Variants in PPP1CA observed in about 807,000 individuals in gnomAD.
PPP1CA encodes the protein protein phosphatase 1 catalytic subunit alpha, also known as serine/threonine-protein phosphatase PP1-alpha catalytic subunit.
PPP1CA carries 14 observed loss-of-function variants against 38.5 expected under a neutral mutation model. The observed-to-expected ratio is 0.36, with a 90% confidence interval of 0.24 to 0.57. The LOEUF (loss-of-function observed/expected upper bound fraction) is 0.57, where lower values mean the gene tolerates loss of function less well. Among genes scored for constraint, PPP1CA ranks in the 20% least tolerant of loss-of-function variants. The pLI, the probability that PPP1CA is intolerant of heterozygous loss-of-function variation, is 0.80. For missense variants in PPP1CA, 277 were observed against 435.2 expected, an observed-to-expected ratio of 0.64 and a Z score of 3.23; for synonymous variants, 200 against 177.3, an observed-to-expected ratio of 1.13 and a Z score of -1.02.
intron 3 of PPP1CA, 87 bp downstream of exon 3, chr11:67,400,602 C>T: frequency 7.6e-7 from 1 of 1,312,350 alleles, no homozygotes; most frequent in Admixed American, 1.7e-5. Flanking sequence ...AAGTGTCTGT[C>T]AGATATCAGG....
At position 67,401,807 on chromosome 11, in the gene PPP1CA, C is replaced by A; in HGVS notation, c.-25G>T. On this transcript the variant is annotated 5_prime_UTR_variant, in exon 1 of 7. Coordinates refer to ENST00000376745, the MANE Select transcript of PPP1CA (RefSeq NM_002708.4). ...TGGCGGCGCCGCCGCTCCAGCCCAG[C>A]AGCTCCTGGCCCGCTCCTGCCTCCC... 5 of 1,455,100 alleles carry A rather than the reference C, an allele frequency of 3.4e-6. No homozygotes were observed. Among genetic ancestry groups the A allele is most frequent in the Non-Finnish European group, 3.7e-6 (4 of 1,093,800 alleles). The allele number at this position is 1,455,100 out of a possible 1,614,324, so 90.1% of individuals were successfully genotyped here. A position where few individuals can be genotyped will look rare whatever the true frequency, so the allele number is the denominator to read the frequency against.
chr11:67,401,771 G>C lies in PPP1CA; in HGVS notation c.12C>G (p.Ser4Arg). 2.0e-6 allele frequency: 3 copies of C among 1,472,660 alleles called. No homozygotes were observed. The highest frequency in any genetic ancestry group is 1.8e-6 in the Non-Finnish European group (2 of 1,102,204). 91.2% of individuals were successfully genotyped at this position (1,472,660 alleles called of 1,614,324 possible). Residue 4 changes from serine (S) to arginine (R), a missense_variant, in exon 1 of 7, where the codon AGC becomes AGG. Ser to Arg is a moderately radical substitution (Grantham distance 110). Coordinates refer to ENST00000376745, the MANE Select transcript of PPP1CA (RefSeq NM_002708.4). ...TGATCGAGTCCAGGTTGAGCTTCTCGCTGTCGGACATGGCGGCGCCGCCGC... is the reference window on the plus strand; with the variant it reads ...TGATCGAGTCCAGGTTGAGCTTCTCCCTGTCGGACATGGCGGCGCCGCCGC... MSD[S>R]EKLNLDSIIG...
At chr11:67,401,393 C>A in intron 1 of PPP1CA, 194 bp from the exon 2 acceptor site, 1 of 926,336 alleles carries the variant, frequency 1.1e-6, no homozygotes, top group Non-Finnish European at 1.6e-6. Context: ...ACCCTCAGCG[C>A]CTCGGGAGGC....
chr11:67,399,196 C>T (rs754121296), intron 4 of PPP1CA, 33 bp from the exon 5 acceptor site: 3 of 1,583,740 alleles, frequency 1.9e-6, no homozygotes, highest in African/African-American at 2.7e-5. Context: ...CTTCCTCAAA[C>T]AAGGACATCC....
Position 67,399,078 on chromosome 11 carries a change from G to A in PPP1CA, c.609C>T (p.Asp203=). 2.5e-6 allele frequency: 4 copies of A among 1,613,630 alleles called. No individual in the cohort carries two copies. The highest frequency in any genetic ancestry group is 2.5e-6 in the Non-Finnish European group (3 of 1,180,024). ...TDVPDQGLLC[D]LLWSDPDKDV... ...CCTTGTCAGGGTCAGACCACAGCAGGTCACACAGCAGGCCCTGGTCAGGCA... is the reference window on the plus strand; with the variant it reads ...CCTTGTCAGGGTCAGACCACAGCAGATCACACAGCAGGCCCTGGTCAGGCA... Residue 203 remains aspartate, a synonymous_variant, in exon 5 of 7, where the codon GAC becomes GAT. Coordinates refer to ENST00000376745, the MANE Select transcript of PPP1CA (RefSeq NM_002708.4).
At chr11:67,399,274 T>G in intron 4 of PPP1CA, 111 bp from the exon 5 acceptor site, 1 of 1,032,800 alleles carries the variant, frequency 9.7e-7, no homozygotes, top group Non-Finnish European at 1.4e-6. Context: ...GCCACTGGTC[T>G]CCTGGGCGCC....
rs756491669 is a variant in PPP1CA, at chr11:67,398,928, C to T, written c.747+12G>A. ...CCCCTTCCCCTGCCGCAGGCCGGAG[C>T]CACCAGCCCACCTGGTGTGCTCGGC... is the stretch of plus-strand genomic sequence containing the variant. On this transcript the variant is annotated intron_variant, in intron 5 of 6. Transcript: ENST00000376745. The T allele has an allele frequency of 4.3e-6, 7 of 1,612,940 alleles. No individual in the cohort carries two copies. The East Asian group carries it at 1.3e-4, about 31-fold the overall frequency.
chr11:67,398,708 T>G lies in PPP1CA; in HGVS notation c.882+14A>C, dbSNP rs371041445. ...GCCACAGGGCCTAGCGGCTCCTTTC[T>G]TCCCCACACTCACCTGGAAAGAGCA... On this transcript the variant is annotated intron_variant, in intron 6 of 6. Coordinates refer to ENST00000376745, the MANE Select transcript of PPP1CA (RefSeq NM_002708.4). The G allele has an allele frequency of 6.2e-7, 1 of 1,613,220 alleles. No homozygotes were observed. The highest frequency in any genetic ancestry group is 1.7e-5 in the Admixed American group (1 of 59,962).
chr11:67,400,998 G>A, intron 2 of PPP1CA, 70 bp downstream of exon 2: 4 of 1,608,538 alleles, frequency 2.5e-6, no homozygotes, highest in Admixed American at 1.7e-5. Context: ...CAAGGGAGGA[G>A]GGCTCCAGGA....
At position 67,398,238 on chromosome 11, in the gene PPP1CA, G is replaced by A. The variant is rs190261260; in HGVS notation, c.*297C>T. 3 of 440,038 alleles carry A rather than the reference G, an allele frequency of 6.8e-6. No homozygotes were observed. The highest frequency in any genetic ancestry group is 4.1e-5 in the Admixed American group (1 of 24,540). 27.3% of individuals were successfully genotyped at this position (440,038 alleles called of 1,614,324 possible). A position where few individuals can be genotyped will look rare whatever the true frequency, so the allele number is the denominator to read the frequency against. ...ACCAGATGGGTTGCCCCAGGATCCG[G>A]CTGCCAGCCCTGAGGCCAAGCACGG... On this transcript the variant is annotated 3_prime_UTR_variant, in exon 7 of 7. Transcript: ENST00000376745.
chr11:67,398,881 T>G, intron 5 of PPP1CA, 25 bp from the exon 6 acceptor site: 1 of 1,611,818 alleles, frequency 6.2e-7, no homozygotes, highest in Non-Finnish European at 8.5e-7. Context: ...GAGCAGTCAG[T>G]CCCGAGCGCA....
intron 1 of PPP1CA, 134 bp from the exon 2 acceptor site, chr11:67,401,333 T>C: frequency 6.8e-7 from 1 of 1,466,734 alleles, no homozygotes; most frequent in South Asian, 1.2e-5. Context: ...CTGTTGCTGC[T>C]GAGCCTCCCG....
chr11:67,398,471 A>G lies in PPP1CA; in HGVS notation c.*64T>C. The G allele has an allele frequency of 6.6e-7, 1 of 1,520,792 alleles. No individual in the cohort carries two copies. The highest frequency in any genetic ancestry group is 9.0e-7 in the Non-Finnish European group (1 of 1,107,798). 94.2% of individuals were successfully genotyped at this position (1,520,792 alleles called of 1,614,324 possible). ...TGAGGGGTCGGGGTGACCCCCCCCCAGCATGGCAGCATGATTTCTGTACAA... is the reference window on the plus strand; with the variant it reads ...TGAGGGGTCGGGGTGACCCCCCCCCGGCATGGCAGCATGATTTCTGTACAA... On this transcript the variant is annotated 3_prime_UTR_variant, in exon 7 of 7. Transcript: ENST00000376745.
intron 3 of PPP1CA, among the ~76,000 whole-genome samples, 162 bp downstream of exon 3, chr11:67,400,527 C>T (rs1396443641): frequency 6.6e-6 from 1 of 152,214 alleles, no homozygotes; most frequent in African/African-American, 2.4e-5. Context: ...GACCCCATGC[C>T]AGGAGGGGCA....
At position 67,400,923 on chromosome 11, in the gene PPP1CA, T is replaced by C. The variant is rs531704361; in HGVS notation, c.188-4A>G. The C allele has an allele frequency of 1.9e-6, 3 of 1,613,878 alleles. No individual in the cohort carries two copies. The South Asian group carries it at 3.3e-5, about 18-fold the overall frequency. ...TAGTACTGGCCGTGTATGTCACCTG[T>C]GACCCAGGGAACCGGGTAAGCTAGA... On this transcript the variant is annotated splice_polypyrimidine_tract_variant and splice_region_variant and intron_variant, in intron 2 of 6. Coordinates refer to ENST00000376745, the MANE Select transcript of PPP1CA (RefSeq NM_002708.4).
In PPP1CA at chr11:67,399,054, C is replaced by T. The variant is rs1417889264; in HGVS notation, c.633G>A (p.Lys211=). Residue 211 remains lysine (K), a synonymous_variant, in exon 5 of 7, where the codon AAG becomes AAA. Coordinates refer to ENST00000376745, the MANE Select transcript of PPP1CA (RefSeq NM_002708.4). The part of the protein sequence containing the change: ...LCDLLWSDPD[K]DVQGWGENDR... Reference sequence around the variant, plus strand: ...CGTTCTCGCCCCAGCCCTGCACGTCCTTGTCAGGGTCAGACCACAGCAGGT... The same window carrying T: ...CGTTCTCGCCCCAGCCCTGCACGTCTTTGTCAGGGTCAGACCACAGCAGGT... The T allele has an allele frequency of 2.5e-6, 4 of 1,613,658 alleles. 1 individual carries two copies. In the South Asian group the frequency reaches 4.4e-5, roughly 18 times the overall value.
In PPP1CA at chr11:67,401,816, G is replaced by A. The variant is rs370928077; in HGVS notation, c.-34C>T. On this transcript the variant is annotated 5_prime_UTR_variant, in exon 1 of 7. Transcript: ENST00000376745. Reference sequence around the variant, plus strand: ...CGCCGCTCCAGCCCAGCAGCTCCTGGCCCGCTCCTGCCTCCCGCCCTCCGG... The same window carrying A: ...CGCCGCTCCAGCCCAGCAGCTCCTGACCCGCTCCTGCCTCCCGCCCTCCGG... 2.1e-5 allele frequency: 29 copies of A among 1,399,716 alleles called. No individual in the cohort carries two copies. The highest frequency in any genetic ancestry group is 3.0e-5 in the African/African-American group (2 of 67,314). The allele number at this position is 1,399,716 out of a possible 1,614,324, so 86.7% of individuals were successfully genotyped here. A position where few individuals can be genotyped will look rare whatever the true frequency, so the allele number is the denominator to read the frequency against.
intron 1 of PPP1CA, chr11:67,401,404 G>A (rs1862885956): frequency 2.3e-6 from 2 of 851,370 alleles, no homozygotes; most frequent in Non-Finnish European, 3.5e-6. Flanking sequence ...CTCGGGAGGC[G>A]ACTGTCGTGC....
chr11:67,400,628 C>T, intron 3 of PPP1CA, 61 bp downstream of exon 3: 2 of 1,481,440 alleles, frequency 1.4e-6, no homozygotes, highest in Non-Finnish European at 9.4e-7. Context: ...GTGAAGGTCC[C>T]ACTGAATGGC....
Sources: gnomAD v4.1 joint callset for allele counts (sites outside exome capture counted in the v4.1 genomes callset) on GRCh38, gnomAD v4.1.1 for gene constraint, MANE v1.5 for transcripts, NCBI Gene and HGNC (gene_info 2026-07-23, HGNC 2026-07-21) for gene names.